Variants in SAMMSON observed in about 807,000 individuals in gnomAD.
SAMMSON encodes long intergenic non-protein coding RNA 1212.
chr3:70,086,239 G>A (rs1261548146), intron 4 of SAMMSON, among the ~76,000 whole-genome samples: 2 of 152,122 alleles, frequency 1.3e-5, no homozygotes, highest in East Asian at 1.9e-4. Context: ...CACATCACCA[G>A]GGAGTTATAC....
At chr3:70,161,429 T>A (rs2067614834) in intron 4 of SAMMSON, among the ~76,000 whole-genome samples, 1 of 152,052 alleles carries the variant, frequency 6.6e-6, no homozygotes. Context: ...ATTGAGATGA[T>A]CATGTGGTTT....
rs1015624371 is a variant in SAMMSON at position 70,338,850 on chromosome 3, A to C, written n.740-15325A>C. On this transcript the variant is annotated intron_variant and non_coding_transcript_variant, in intron 7 of 9. Transcript: ENST00000642114. ...CCCAAGGTAGTTTATAGATTCAATG[A>C]CATCCCCATCAAGCTACCAATGACT... 8.1e-4 allele frequency among the ~76,000 whole-genome samples: 124 copies of C among 152,198 alleles called. 1 individual carries two copies. The highest frequency in any genetic ancestry group is 2.9e-3 in the African/African-American group (121 of 41,566).
rs189839666 is a variant in SAMMSON, at chr3:70,134,918, A to G, written n.507+63353A>G. Among the ~76,000 whole-genome samples the G allele has an allele frequency of 2.6e-5, 4 of 152,278 alleles. No individual in the cohort carries two copies. The East Asian group carries it at 7.7e-4, about 29-fold the overall frequency. On this transcript the variant is annotated intron_variant and non_coding_transcript_variant, in intron 4 of 9. Coordinates refer to ENST00000642114, the Ensembl canonical transcript of SAMMSON. ...AAAGTGAATCTCTAAGAAAAGCTGGAAAAAGGTTTGAATAAAATTAAAGTA... is the reference window on the plus strand; with the variant it reads ...AAAGTGAATCTCTAAGAAAAGCTGGGAAAAGGTTTGAATAAAATTAAAGTA...
intron 2 of SAMMSON, among the ~76,000 whole-genome samples, chr3:70,400,392 A>G (rs1019888598): frequency 4.6e-5 from 7 of 152,100 alleles, no homozygotes; most frequent in African/African-American, 1.7e-4. Flanking sequence ...GGTTGTTAAA[A>G]AGATCTGGTT....
chr3:70,334,444 TA>T (rs1029184802), intron 7 of SAMMSON, among the ~76,000 whole-genome samples: 18 of 152,006 alleles, frequency 1.2e-4, no homozygotes, highest in South Asian at 4.1e-4. Context: ...ATATGTATAT[TA>T]GGGGCACAAG....
chr3:70,083,445 TC>T (rs2067273926), intron 4 of SAMMSON, among the ~76,000 whole-genome samples: 2 of 152,172 alleles, frequency 1.3e-5, no homozygotes, highest in African/African-American at 4.8e-5. Context: ...TTCTAGCAAC[TC>T]AGGGAAGGGT....
intron 4 of SAMMSON, among the ~76,000 whole-genome samples, chr3:70,118,547 G>A (rs1349716189): frequency 6.6e-6 from 1 of 152,108 alleles, no homozygotes; most frequent in Non-Finnish European, 1.5e-5. Context: ...ATTATATTTT[G>A]ATTAAAAGGA....
At chr3:70,107,308 T>C (rs1184807317) in intron 4 of SAMMSON, among the ~76,000 whole-genome samples, 1 of 152,070 alleles carries the variant, frequency 6.6e-6, no homozygotes, top group Non-Finnish European at 1.5e-5. Context: ...AATGAGGCTG[T>C]AGGATATGGA....
chr3:70,087,175 C>A (rs574286835), intron 4 of SAMMSON, among the ~76,000 whole-genome samples: 11 of 152,122 alleles, frequency 7.2e-5, no homozygotes, highest in Non-Finnish European at 1.3e-4. Flanking sequence ...CTGAAATATT[C>A]ATAGTGGCCA....
intron 2 of SAMMSON, among the ~76,000 whole-genome samples, chr3:70,401,825 G>A (rs1319202756): frequency 6.6e-6 from 1 of 152,126 alleles, no homozygotes; most frequent in Non-Finnish European, 1.5e-5. Context: ...ATATGAAAGA[G>A]ATTATTAAAT....
At chr3:70,034,749 C>T (rs1013104328) in intron 3 of SAMMSON, among the ~76,000 whole-genome samples, 8 of 152,106 alleles carry the variant, frequency 5.3e-5, no homozygotes, top group Admixed American at 3.3e-4. Flanking sequence ...GAGGCTGAGG[C>T]AGGTGAATTG....
chr3:70,101,932 C>CA (rs2067348077), intron 4 of SAMMSON, among the ~76,000 whole-genome samples: 1 of 152,084 alleles, frequency 6.6e-6, no homozygotes. Context: ...TTTTGTAATA[C>CA]AAGTTATGAA....
At chr3:70,319,485 C>A (rs924391879) in intron 7 of SAMMSON, among the ~76,000 whole-genome samples, 1 of 151,964 alleles carries the variant, frequency 6.6e-6, no homozygotes, top group Non-Finnish European at 1.5e-5. Flanking sequence ...TTTTGAAATT[C>A]TTTTACTCCT....
At chr3:70,104,407 A>C (rs2106656411) in intron 4 of SAMMSON, among the ~76,000 whole-genome samples, 1 of 152,112 alleles carries the variant, frequency 6.6e-6, no homozygotes, top group East Asian at 1.9e-4. Context: ...CATGCAAGGG[A>C]TTCTCAGGGC....
chr3:70,034,876 T>C (rs1576103829), intron 3 of SAMMSON, among the ~76,000 whole-genome samples: 1 of 152,074 alleles, frequency 6.6e-6, no homozygotes. Flanking sequence ...CCTTTTGTTC[T>C]ATGGTGTTGT....
At chr3:70,262,330 A>G (rs1701874685) in intron 6 of SAMMSON, among the ~76,000 whole-genome samples, 1 of 152,350 alleles carries the variant, frequency 6.6e-6, no homozygotes, top group Non-Finnish European at 1.5e-5. Flanking sequence ...AAAATGATGC[A>G]TTGCTGAGCC....
At chr3:70,320,093 C>A (rs1363265680) in intron 7 of SAMMSON, among the ~76,000 whole-genome samples, 3 of 152,020 alleles carry the variant, frequency 2.0e-5, no homozygotes, top group African/African-American at 7.2e-5. Context: ...GAATCCCAAA[C>A]TTCCTTCAAG....
chr3:70,290,767 C>G (rs1702229136), intron 6 of SAMMSON, among the ~76,000 whole-genome samples: 1 of 152,164 alleles, frequency 6.6e-6, no homozygotes. Context: ...TCGTGGTGCG[C>G]CGTTTTTTAA....
rs1173690331 is a variant in SAMMSON, at chr3:70,092,439, C to T, written n.507+20874C>T. On this transcript the variant is annotated intron_variant and non_coding_transcript_variant, in intron 4 of 9. Transcript: ENST00000642114. ...CATTTCATCATCTTTCTTGATCAAACTCATGCTGTTTTTTTTTTTTATAAA... is the reference window on the plus strand; with the variant it reads ...CATTTCATCATCTTTCTTGATCAAATTCATGCTGTTTTTTTTTTTTATAAA... Among the ~76,000 whole-genome samples, 4 of 93,496 alleles carry T rather than the reference C, an allele frequency of 4.3e-5. No homozygotes were observed. In the Admixed American group the frequency reaches 5.8e-4, roughly 14 times the overall value. 61.3% of individuals were successfully genotyped at this position (93,496 alleles called of 152,430 possible).
Sources: allele counts gnomAD v4.1 joint callset (sites outside exome capture counted in the v4.1 genomes callset), GRCh38; gene constraint gnomAD v4.1.1; transcripts MANE v1.5; gene names NCBI Gene and HGNC (gene_info 2026-07-23, HGNC 2026-07-21).